Variants in SPIDR observed in about 807,000 individuals in gnomAD.
SPIDR encodes DNA repair-scaffolding protein.
SPIDR carries 93 observed loss-of-function variants against 104.6 expected under a neutral mutation model. The observed-to-expected ratio is 0.89, with a 90% confidence interval of 0.75 to 1.06. The LOEUF (loss-of-function observed/expected upper bound fraction) is 1.06. SPIDR is among the 50% of genes least tolerant of loss of function. The pLI is 0.00. For synonymous variants in SPIDR, 431 were observed against 416.9 expected, an observed-to-expected ratio of 1.03 and a Z score of -0.41; for missense variants, 1,154 against 1,111.2, an observed-to-expected ratio of 1.04 and a Z score of -0.55.
chr8:47,432,116 T>G (rs1189596029), intron 7 of SPIDR, among the ~76,000 whole-genome samples: 4 of 152,236 alleles, frequency 2.6e-5, no homozygotes, highest in African/African-American at 9.6e-5. Context: ...ATTTACTTAC[T>G]GAATACTTAT....
chr8:47,712,970 C>A (rs575030812), intron 15 of SPIDR, 98 bp downstream of exon 15: 109 of 1,547,162 alleles, frequency 7.0e-5, no homozygotes, highest in Non-Finnish European at 8.9e-5. Context: ...TGCTTGGACG[C>A]TGCCGGCACC....
Position 47,342,320 on chromosome 8 carries a change from T to C in SPIDR, c.525+48290T>C, listed in dbSNP as rs74303734. On this transcript the variant is annotated intron_variant, in intron 5 of 19. Coordinates refer to ENST00000297423, the MANE Select transcript of SPIDR (RefSeq NM_001080394.4). The stretch of plus-strand genomic sequence containing the variant: ...TTCTCACCCATCTTCTATTGTACTT[T>C]CAAAGGTCTTTTTTTTTTTTTTTTT... Among the ~76,000 whole-genome samples, 9 of 146,748 alleles carry C rather than the reference T, an allele frequency of 6.1e-5. No homozygotes were observed. In the East Asian group the frequency reaches 1.8e-3, roughly 29 times the overall value.
At chr8:47,618,957 A>G (rs1055361357) in intron 10 of SPIDR, among the ~76,000 whole-genome samples, 1 of 152,260 alleles carries the variant, frequency 6.6e-6, no homozygotes, top group African/African-American at 2.4e-5. Context: ...ATAGGCACTA[A>G]TGTTCTTTCT....
chr8:47,294,128 G>T, intron 5 of SPIDR, 98 bp downstream of exon 5: 1 of 1,454,612 alleles, frequency 6.9e-7, no homozygotes. Flanking sequence ...GTCCTTCCTC[G>T]AGAACAACCA....
intron 10 of SPIDR, among the ~76,000 whole-genome samples, chr8:47,636,547 G>T (rs946913352): frequency 6.6e-6 from 1 of 152,126 alleles, no homozygotes; most frequent in Non-Finnish European, 1.5e-5. Flanking sequence ...TTGGCCAGGC[G>T]CGGTGGCTCA....
intron 1 of SPIDR, among the ~76,000 whole-genome samples, chr8:47,267,898 T>G (rs2034426890): frequency 6.6e-6 from 1 of 152,234 alleles, no homozygotes; most frequent in Non-Finnish European, 1.5e-5. Flanking sequence ...TCATGTCTAA[T>G]AAATCATTGC....
intron 14 of SPIDR, among the ~76,000 whole-genome samples, chr8:47,705,060 C>T (rs1442882391): frequency 1.3e-4 from 20 of 152,202 alleles, no homozygotes; most frequent in Admixed American, 9.2e-4. Flanking sequence ...AGAGCAGCCA[C>T]GTGGCAGTTG....
chr8:47,404,050 A>T (rs1482063686), intron 6 of SPIDR, among the ~76,000 whole-genome samples: 1 of 152,216 alleles, frequency 6.6e-6, no homozygotes, highest in Non-Finnish European at 1.5e-5. Context: ...AATACCACAC[A>T]TCTAAAACCA....
At chr8:47,437,842 G>A (rs1158123242) in intron 7 of SPIDR, among the ~76,000 whole-genome samples, 1 of 152,014 alleles carries the variant, frequency 6.6e-6, no homozygotes, top group Non-Finnish European at 1.5e-5. Context: ...GATTCCTCAG[G>A]GATCTAGAAC....
intron 10 of SPIDR, among the ~76,000 whole-genome samples, chr8:47,634,463 A>T (rs976037510): frequency 2.0e-5 from 3 of 149,118 alleles, no homozygotes; most frequent in Admixed American, 6.7e-5. Flanking sequence ...AAAACAAATT[A>T]AAAAAAAAAA....
At chr8:47,672,347 C>T (rs1360456818) in intron 10 of SPIDR, among the ~76,000 whole-genome samples, 1 of 152,180 alleles carries the variant, frequency 6.6e-6, no homozygotes, top group African/African-American at 2.4e-5. Context: ...TGCTTCCCCT[C>T]CTCTGTCTTG....
At chr8:47,625,761 T>C (rs2154438061) in intron 10 of SPIDR, among the ~76,000 whole-genome samples, 1 of 152,164 alleles carries the variant, frequency 6.6e-6, no homozygotes, top group Non-Finnish European at 1.5e-5. Context: ...TGGAAGAACA[T>C]TCCATGCTCA....
intron 10 of SPIDR, among the ~76,000 whole-genome samples, chr8:47,625,143 A>C (rs1173862572): frequency 6.6e-6 from 1 of 152,222 alleles, no homozygotes; most frequent in Non-Finnish European, 1.5e-5. Context: ...AAACTACATG[A>C]TTATCTCAAT....
chr8:47,573,386 A>G lies in SPIDR; in HGVS notation c.1098-22425A>G, dbSNP rs79206680. Among the ~76,000 whole-genome samples the G allele has an allele frequency of 7.9e-5, 12 of 152,328 alleles. No homozygotes were observed. The East Asian group carries it at 2.3e-3, about 29-fold the overall frequency. Reference sequence around the variant, plus strand: ...CACACTTTACCTTCAGGCAGGGCACACTCAGTAGTCCTCTGTGATAAGGCA... The same window carrying G: ...CACACTTTACCTTCAGGCAGGGCACGCTCAGTAGTCCTCTGTGATAAGGCA... On this transcript the variant is annotated intron_variant, in intron 8 of 19. Coordinates refer to ENST00000297423, the MANE Select transcript of SPIDR (RefSeq NM_001080394.4).
At chr8:47,692,682 C>T (rs947338622) in intron 11 of SPIDR, among the ~76,000 whole-genome samples, 1 of 151,444 alleles carries the variant, frequency 6.6e-6, no homozygotes, top group Admixed American at 6.6e-5. Flanking sequence ...TCCTGACCTC[C>T]GGTGACCGAC....
intron 10 of SPIDR, among the ~76,000 whole-genome samples, chr8:47,625,801 G>T (rs1393566903): frequency 6.6e-6 from 1 of 152,164 alleles, no homozygotes; most frequent in Non-Finnish European, 1.5e-5. Flanking sequence ...TCATGAAAAT[G>T]GCCATACTGC....
intron 8 of SPIDR, among the ~76,000 whole-genome samples, chr8:47,579,766 A>T (rs918235883): frequency 6.6e-6 from 1 of 151,950 alleles, no homozygotes; most frequent in South Asian, 2.1e-4. Flanking sequence ...GCCCCATCTA[A>T]TCGTGTGCCT....
intron 3 of SPIDR, among the ~76,000 whole-genome samples, chr8:47,288,071 A>G (rs963187808): frequency 6.6e-6 from 1 of 152,318 alleles, no homozygotes; most frequent in South Asian, 2.1e-4. Flanking sequence ...CGGTGGCTCC[A>G]GCTCGTCCCT....
At chr8:47,710,969 G>T (rs1467101672) in intron 14 of SPIDR, among the ~76,000 whole-genome samples, 1 of 151,738 alleles carries the variant, frequency 6.6e-6, no homozygotes, top group Non-Finnish European at 1.5e-5. Flanking sequence ...GTAGAGATGG[G>T]GTCTCACTAT....
Sources: gnomAD v4.1 joint callset for allele counts (sites outside exome capture counted in the v4.1 genomes callset) on GRCh38, gnomAD v4.1.1 for gene constraint, MANE v1.5 for transcripts, NCBI Gene and HGNC (gene_info 2026-07-23, HGNC 2026-07-21) for gene names.